Variants in EFHC2 observed in about 807,000 individuals in gnomAD.
The protein encoded by EFHC2 is EF-hand domain-containing family member C2.
EFHC2 carries 18 observed loss-of-function variants against 52.7 expected under a neutral mutation model. The ratio of observed to expected loss-of-function variants is 0.34; its 90% confidence interval spans 0.24 to 0.51. EFHC2 has a LOEUF of 0.51. EFHC2 is among the 20% of genes least tolerant of loss of function. EFHC2 has a pLI of 0.97. For synonymous variants in EFHC2, 203 were observed against 204.1 expected, an observed-to-expected ratio of 0.99 and a Z score of 0.04; for missense variants, 513 against 562.5, an observed-to-expected ratio of 0.91 and a Z score of 0.89.
intron 14 of EFHC2, among the ~76,000 whole-genome samples, chrX:44,157,769 C>T (rs1465852110): frequency 9.6e-6 from 1 of 103,924 alleles, no homozygotes; most frequent in Non-Finnish European, 2.0e-5. Flanking sequence ...TTCCCTTAAC[C>T]CTACCCACCC....
At chrX:44,173,371 G>C in intron 13 of EFHC2, among the ~76,000 whole-genome samples, 1 of 112,092 alleles carries the variant, frequency 8.9e-6, no homozygotes, top group Non-Finnish European at 1.9e-5. Flanking sequence ...TGTGCAGAAA[G>C]AGACTCTGGT....
At chrX:44,338,417 C>T (rs2038129741) in intron 1 of EFHC2, among the ~76,000 whole-genome samples, 1 of 110,225 alleles carries the variant, frequency 9.1e-6, no homozygotes, top group South Asian at 3.9e-4. Context: ...GGGAGGATGT[C>T]TTGAGCCCGA....
At chrX:44,155,289 T>C (rs1372550238) in intron 14 of EFHC2, among the ~76,000 whole-genome samples, 1 of 111,694 alleles carries the variant, frequency 9.0e-6, no homozygotes, top group Non-Finnish European at 1.9e-5. Flanking sequence ...TCATCAGTGG[T>C]GAAAAAATGT....
intron 2 of EFHC2, among the ~76,000 whole-genome samples, chrX:44,275,361 G>A (rs780052942): frequency 9.1e-6 from 1 of 110,191 alleles, no homozygotes; most frequent in East Asian, 2.9e-4. Context: ...GTCAGAATGA[G>A]GTAGAGATGG....
rs771383799 is a variant in EFHC2, at chrX:44,226,942, GAGAAA to G, written c.1751+2702_1751+2706del. ...GAAGGAAGGAAGGAAGGAAGGAGAA[GAGAAA>G]AGAGAGAAGGTAGAACACAAAAGAC... On this transcript the variant is annotated intron_variant, in intron 11 of 14. Coordinates refer to ENST00000420999, the MANE Select transcript of EFHC2 (RefSeq NM_025184.4). 2.8e-4 allele frequency among the ~76,000 whole-genome samples: 29 copies of G among 104,478 alleles called. No homozygotes were observed. The South Asian group carries it at 0.012, about 43-fold the overall frequency. 90.7% of individuals were successfully genotyped at this position (104,478 alleles called of 115,157 possible). A position where few individuals can be genotyped will look rare whatever the true frequency, so the allele number is the denominator to read the frequency against.
intron 2 of EFHC2, among the ~76,000 whole-genome samples, chrX:44,303,286 A>G (rs1019413558): frequency 4.5e-5 from 5 of 111,495 alleles, no homozygotes; most frequent in Non-Finnish European, 9.4e-5. Context: ...TCACATCTAA[A>G]CACAGAAAAT....
intron 1 of EFHC2, among the ~76,000 whole-genome samples, chrX:44,321,176 T>A (rs2038017853): frequency 1.8e-5 from 2 of 111,643 alleles, no homozygotes; most frequent in African/African-American, 3.3e-5. Context: ...GAAAAAGAGA[T>A]GAGTTATTAA....
At chrX:44,235,564 A>T in intron 8 of EFHC2, 117 bp from the exon 9 acceptor site, 2 of 695,823 alleles carry the variant, frequency 2.9e-6, no homozygotes, top group African/African-American at 2.2e-5. Context: ...TAAACTGTCC[A>T]AAGTGAAAGA....
At chrX:44,166,584 A>T (rs1417130787) in intron 13 of EFHC2, among the ~76,000 whole-genome samples, 1 of 111,747 alleles carries the variant, frequency 8.9e-6, no homozygotes, top group African/African-American at 3.3e-5. Context: ...AAAGCCAAAA[A>T]ATTGGGAGAC....
chrX:44,233,333 C>T (rs963340168), intron 9 of EFHC2, among the ~76,000 whole-genome samples: 2 of 112,317 alleles, frequency 1.8e-5, no homozygotes, highest in African/African-American at 6.5e-5. Flanking sequence ...CTATGGGAGT[C>T]CCCTTAAGTC....
At chrX:44,276,650 A>G (rs1294412765) in intron 2 of EFHC2, among the ~76,000 whole-genome samples, 1 of 112,358 alleles carries the variant, frequency 8.9e-6, no homozygotes, top group Non-Finnish European at 1.9e-5. Flanking sequence ...CTTTGTAGAG[A>G]AGAATCTATC....
intron 11 of EFHC2, among the ~76,000 whole-genome samples, chrX:44,205,648 G>T (rs1187537284): frequency 9.0e-6 from 1 of 111,443 alleles, no homozygotes; most frequent in Admixed American, 9.5e-5. Context: ...ACTATATAAT[G>T]ATGAGGCGTT....
In EFHC2 at chrX:44,248,261, G is replaced by A; in HGVS notation, c.1111+11C>T. On this transcript the variant is annotated intron_variant, in intron 7 of 14. Transcript: ENST00000420999. ...TTAAAAATATTTTTAATTGACATATGTATCACTTACCAATTCCATATTTAG... is the reference window on the plus strand; with the variant it reads ...TTAAAAATATTTTTAATTGACATATATATCACTTACCAATTCCATATTTAG... 1 of 1,117,028 alleles carries A rather than the reference G, an allele frequency of 9.0e-7. No homozygotes were observed. The highest frequency in any genetic ancestry group is 1.2e-6 in the Non-Finnish European group (1 of 834,014). 92.1% of individuals were successfully genotyped at this position (1,117,028 alleles called of 1,213,427 possible). A position where few individuals can be genotyped will look rare whatever the true frequency, so the allele number is the denominator to read the frequency against.
intron 11 of EFHC2, among the ~76,000 whole-genome samples, chrX:44,221,271 T>A (rs1421205801): frequency 9.0e-6 from 1 of 111,619 alleles, no homozygotes; most frequent in Non-Finnish European, 1.9e-5. Context: ...TAGAGAGAGA[T>A]AAAATTCTTC....
At chrX:44,213,243 A>G (rs1452806548) in intron 11 of EFHC2, among the ~76,000 whole-genome samples, 1 of 111,903 alleles carries the variant, frequency 8.9e-6, no homozygotes, top group Non-Finnish European at 1.9e-5. Context: ...GAATAGATGA[A>G]TAATGTAAGC....
intron 1 of EFHC2, among the ~76,000 whole-genome samples, chrX:44,325,369 T>C (rs2038045696): frequency 1.8e-5 from 2 of 110,787 alleles, no homozygotes; most frequent in Admixed American, 2.0e-4. Context: ...AATGATAAAG[T>C]TAGGAACATA....
intron 3 of EFHC2, among the ~76,000 whole-genome samples, chrX:44,266,627 GC>G (rs1202404349): frequency 9.0e-6 from 1 of 111,114 alleles, no homozygotes; most frequent in Non-Finnish European, 1.9e-5. Flanking sequence ...AAGCCACCAT[GC>G]CCAGCCAAAT....
chrX:44,216,130 T>C (rs528963564), intron 11 of EFHC2, among the ~76,000 whole-genome samples: 31 of 112,399 alleles, frequency 2.8e-4, no homozygotes, highest in Non-Finnish European at 5.6e-5. Flanking sequence ...CTGGAAGGCA[T>C]TGATGTATGC....
chrX:44,249,338 C>T (rs761785460), intron 5 of EFHC2, among the ~76,000 whole-genome samples: 2 of 111,660 alleles, frequency 1.8e-5, no homozygotes, highest in African/African-American at 6.5e-5. Context: ...ACTAAGAAGA[C>T]ACTTTATCCA....
Sources: allele counts gnomAD v4.1 joint callset (sites outside exome capture counted in the v4.1 genomes callset), GRCh38; gene constraint gnomAD v4.1.1; transcripts MANE v1.5; gene names NCBI Gene and HGNC (gene_info 2026-07-23, HGNC 2026-07-21).